GNAI2: variants seen among roughly 807,000 people sequenced by gnomAD.
GNAI2 encodes the protein guanine nucleotide-binding protein G(i) subunit alpha-2.
In GNAI2, 4 loss-of-function variants were observed where a neutral mutation model predicts 36.8. The observed-to-expected ratio is 0.11, with a 90% CI of 0.05 to 0.25. GNAI2 has a LOEUF of 0.25. Ranked by LOEUF, GNAI2 falls within the 10% of genes least tolerant of loss-of-function variation. GNAI2 has a pLI of 1.00. For synonymous variants in GNAI2, 194 were observed against 194.1 expected, an observed-to-expected ratio of 1.00 and a Z score of 0.01; for missense variants, 230 against 481.3, an observed-to-expected ratio of 0.48 and a Z score of 4.89.
upstream of GNAI2, chr3:50,235,829 T>TCTGCCCTCGAGGGCACCGGATCC (rs1553700248): frequency 1.3e-5 from 2 of 152,134 alleles, no homozygotes; most frequent in African/African-American, 4.8e-5. Flanking sequence ...TGGTTCCTGC[T>TCTGCCCTCGAGGGCACCGGATCC]CTGCCCTCGA....
At chr3:50,234,852 G>A (rs1340564913), upstream of GNAI2, among the ~76,000 whole-genome samples, 1 of 152,186 alleles carries the variant, frequency 6.6e-6, no homozygotes, top group Non-Finnish European at 1.5e-5. Flanking sequence ...GCTCTGGGCT[G>A]CTCCTGGAGC....
chr3:50,256,875 C>A, intron 6 of GNAI2, 23 bp downstream of exon 6: 1 of 1,613,752 alleles, frequency 6.2e-7, no homozygotes. Flanking sequence ...GAGAATGCTG[C>A]GGGTGGGGGC....
In GNAI2 at chr3:50,236,527, C is replaced by G; in HGVS notation, c.118+74C>G. 1 of 1,516,524 alleles carries G rather than the reference C, an allele frequency of 6.6e-7. No individual in the cohort carries two copies. The highest frequency in any genetic ancestry group is 8.8e-7 in the Non-Finnish European group (1 of 1,140,582). The allele number at this position is 1,516,524 out of a possible 1,614,324, so 93.9% of individuals were successfully genotyped here. ...CAGACAAGGACTTTGACCTCCCAGA[C>G]TAGGGCTTCAAACTCCCAGACCCGG... On this transcript the variant is annotated intron_variant, in intron 1 of 8. Coordinates refer to ENST00000313601, the MANE Select transcript of GNAI2 (RefSeq NM_002070.4). This position sits in a 1 kb window ranked among gnomAD's most constrained non-coding sequence, Gnocchi z 4.0.
intron 1 of GNAI2, among the ~76,000 whole-genome samples, chr3:50,247,936 G>A (rs1256611196): frequency 6.6e-6 from 1 of 152,220 alleles, no homozygotes; most frequent in Non-Finnish European, 1.5e-5. Flanking sequence ...CAGCATCTTT[G>A]CAGAAATCTG....
chr3:50,257,214 G>A (rs1700723454), intron 7 of GNAI2, 124 bp downstream of exon 7: 1 of 797,108 alleles, frequency 1.3e-6, no homozygotes, highest in Non-Finnish European at 2.0e-6. Context: ...CACTGGCAGG[G>A]GCTGGTGCCT....
chr3:50,231,402 G>A (rs587653367), upstream of GNAI2, among the ~76,000 whole-genome samples: 1 of 152,128 alleles, frequency 6.6e-6, no homozygotes, highest in Non-Finnish European at 1.5e-5. Context: ...CCTCAGCCTC[G>A]CAAGTAGCCG....
intron 1 of GNAI2, among the ~76,000 whole-genome samples, chr3:50,250,358 A>G (rs1700524661): frequency 6.6e-6 from 1 of 152,150 alleles, no homozygotes; most frequent in South Asian, 2.1e-4. Flanking sequence ...TGGCCAGAGT[A>G]CCCAAGTTTG....
At position 50,253,203 on chromosome 3, in the gene GNAI2, T is replaced by TGGGCA. The variant is rs781998502; in HGVS notation, c.464+33_464+37dup. On this transcript the variant is annotated intron_variant, in intron 4 of 8. Coordinates refer to ENST00000313601, the MANE Select transcript of GNAI2 (RefSeq NM_002070.4). The surrounding 1 kb of genome is among the most constrained non-coding windows in gnomAD (Gnocchi z 4.2). ...CTGCCTAGTGAGTGCTCTGAGGGGCTGGGCAGGGCAGGGCAGGGGCTGGGG... is the reference window on the plus strand; with the variant it reads ...CTGCCTAGTGAGTGCTCTGAGGGGCTGGGCAGGGCAGGGCAGGGCAGGGGCTGGGG... The TGGGCA allele has an allele frequency of 2.8e-5, 45 of 1,587,548 alleles. No individual in the cohort carries two copies. The African/African-American group carries it at 4.6e-4, about 16-fold the overall frequency.
At position 50,259,230 on chromosome 3, in the gene GNAI2, C is replaced by G. The variant is rs983128424; in HGVS notation, c.*887C>G. On this transcript the variant is annotated 3_prime_UTR_variant, in exon 9 of 9. Transcript: ENST00000313601. ...GAACCGCCGCTGCCTGCTGGGGGGC[C>G]ACGCCCCTCATGCCCTTGTCCCAGG... 1.4e-5 allele frequency: 3 copies of G among 212,204 alleles called. No homozygotes were observed. The highest frequency in any genetic ancestry group is 7.0e-5 in the African/African-American group (3 of 43,030). 13.1% of individuals were successfully genotyped at this position (212,204 alleles called of 1,614,324 possible).
upstream of GNAI2, among the ~76,000 whole-genome samples, chr3:50,234,698 G>A (rs1295972182): frequency 6.6e-6 from 1 of 152,158 alleles, no homozygotes; most frequent in African/African-American, 2.4e-5. Context: ...GCTAAACACC[G>A]GGCTGTTGGT....
chr3:50,256,346 A>G (rs1553703182), intron 5 of GNAI2, 26 bp downstream of exon 5: 1 of 1,611,224 alleles, frequency 6.2e-7, no homozygotes, highest in East Asian at 2.2e-5. Context: ...GACAGGTGGG[A>G]GGGGCAGGAC....
Position 50,255,604 on chromosome 3 carries a change from G to T in GNAI2, c.465-588G>T, listed in dbSNP as rs1378917587. On this transcript the variant is annotated intron_variant, in intron 4 of 8. Coordinates refer to ENST00000313601, the MANE Select transcript of GNAI2 (RefSeq NM_002070.4). The surrounding 1 kb of genome is among the most constrained non-coding windows in gnomAD (Gnocchi z 4.0). ...CTGGATCCTGTCCGAGGCAGGTCTG[G>T]CTCAGACCCTGGGTGCTGGAGCTTG... 2.0e-5 allele frequency among the ~76,000 whole-genome samples: 3 copies of T among 152,144 alleles called. No individual in the cohort carries two copies. Among genetic ancestry groups the T allele is most frequent in the Non-Finnish European group, 4.4e-5 (3 of 68,022 alleles).
At position 50,242,235 on chromosome 3, in the gene GNAI2, C is replaced by A. The variant is rs1217536720; in HGVS notation, c.118+5782C>A. On this transcript the variant is annotated intron_variant, in intron 1 of 8. Transcript: ENST00000313601. This position sits in a 1 kb window ranked among gnomAD's most constrained non-coding sequence, Gnocchi z 4.8. ...ACAGCAGAGGAGGAGACTGTCACCC[C>A]AGAGCCTGAGTGCTGCCTCCCCTAC... is the stretch of plus-strand genomic sequence containing the variant. 6.6e-6 allele frequency among the ~76,000 whole-genome samples: 1 copy of A among 152,126 alleles called. No homozygotes were observed. Among genetic ancestry groups the A allele is most frequent in the Non-Finnish European group, 1.5e-5 (1 of 68,016 alleles).
intron 1 of GNAI2, among the ~76,000 whole-genome samples, chr3:50,249,895 C>T (rs1553702201): frequency 6.6e-6 from 1 of 152,228 alleles, no homozygotes; most frequent in Non-Finnish European, 1.5e-5. Flanking sequence ...AGGCCTGCCA[C>T]CATGTCCCAA....
chr3:50,243,377 G>A (rs1193357224), intron 1 of GNAI2, among the ~76,000 whole-genome samples: 1 of 152,244 alleles, frequency 6.6e-6, no homozygotes, highest in Non-Finnish European at 1.5e-5. Flanking sequence ...ATTCCCGAGC[G>A]GCCATTGCTC....
At chr3:50,249,069 A>G (rs974916434) in intron 1 of GNAI2, among the ~76,000 whole-genome samples, 3 of 152,194 alleles carry the variant, frequency 2.0e-5, no homozygotes, top group Admixed American at 2.0e-4. Context: ...TGATGCCTCA[A>G]GTGGGCAGGA....
Position 50,241,759 on chromosome 3 carries a change from A to G in GNAI2, c.118+5306A>G, listed in dbSNP as rs2109190438. The stretch of plus-strand genomic sequence containing the variant: ...CTGAGGCAGCATCACACCACCCACT[A>G]TGTGTCAGAGCCTAGGCTGCTGGAT... On this transcript the variant is annotated intron_variant, in intron 1 of 8. Coordinates refer to ENST00000313601, the MANE Select transcript of GNAI2 (RefSeq NM_002070.4). The surrounding 1 kb of genome is among the most constrained non-coding windows in gnomAD (Gnocchi z 5.0). Among the ~76,000 whole-genome samples the G allele has an allele frequency of 6.6e-6, 1 of 152,222 alleles. No individual in the cohort carries two copies. The highest frequency in any genetic ancestry group is 2.4e-5 in the African/African-American group (1 of 41,542).
At chr3:50,228,067 C>G (rs1038909111), upstream of GNAI2, among the ~76,000 whole-genome samples, 2 of 152,188 alleles carry the variant, frequency 1.3e-5, no homozygotes, top group South Asian at 4.1e-4. Context: ...CTGGAGGAAA[C>G]AAAAACTCAC....
At chr3:50,228,791 A>G (rs587695401), upstream of GNAI2, among the ~76,000 whole-genome samples, 2 of 152,198 alleles carry the variant, frequency 1.3e-5, no homozygotes, top group East Asian at 1.9e-4. Context: ...CTTTTTCTCC[A>G]ACAGCCTGAA....
Sources: allele counts gnomAD v4.1 joint callset (sites outside exome capture counted in the v4.1 genomes callset), GRCh38; gene constraint gnomAD v4.1.1; non-coding constraint Gnocchi (gnomAD v3.1); transcripts MANE v1.5; gene names NCBI Gene and HGNC (gene_info 2026-07-23, HGNC 2026-07-21).